Variants in SEMA5B observed in about 807,000 individuals in gnomAD.
The protein encoded by SEMA5B is semaphorin 5B.
Under a neutral mutation model 135.0 loss-of-function variants are expected in SEMA5B, and 66 were observed. The observed-to-expected ratio is 0.49, with a 90% CI of 0.40 to 0.60. The LOEUF (loss-of-function observed/expected upper bound fraction) is 0.60. Ranked by LOEUF, SEMA5B falls within the 20% of genes least tolerant of loss-of-function variation. SEMA5B has a pLI of 0.00. For missense variants in SEMA5B, 1,501 were observed against 1,566.3 expected, an observed-to-expected ratio of 0.96 and a Z score of 0.70; for synonymous variants, 690 against 639.5, an observed-to-expected ratio of 1.08 and a Z score of -1.19.
At chr3:122,921,037 G>A (rs923705028) in intron 12 of SEMA5B, among the ~76,000 whole-genome samples, 3 of 152,030 alleles carry the variant, frequency 2.0e-5, no homozygotes, top group Non-Finnish European at 4.4e-5. Context: ...GCTCCTCTTG[G>A]CCCCACAGGC....
At chr3:122,968,439 C>T (rs912344846) in intron 1 of SEMA5B, among the ~76,000 whole-genome samples, 3 of 152,172 alleles carry the variant, frequency 2.0e-5, no homozygotes, top group East Asian at 1.9e-4. Context: ...GAGGGACGGT[C>T]GCCTTGGGGG....
chr3:122,987,655 C>T (rs969940174), intron 1 of SEMA5B, among the ~76,000 whole-genome samples: 1 of 152,144 alleles, frequency 6.6e-6, no homozygotes, highest in Admixed American at 6.5e-5. Flanking sequence ...TCTCAGGTGG[C>T]CATGGTGTGT....
intron 1 of SEMA5B, among the ~76,000 whole-genome samples, chr3:123,015,414 C>T (rs1423672887): frequency 6.6e-6 from 1 of 152,178 alleles, no homozygotes; most frequent in Non-Finnish European, 1.5e-5. Flanking sequence ...AGGAGATGCA[C>T]TAGCTAAGCA....
chr3:123,020,869 A>C (rs1942659379), intron 1 of SEMA5B, among the ~76,000 whole-genome samples: 2 of 152,168 alleles, frequency 1.3e-5, no homozygotes, highest in Non-Finnish European at 2.9e-5. Flanking sequence ...GAGGCTGTTC[A>C]CCCCACTTCA....
chr3:122,977,279 C>T (rs995508009), intron 1 of SEMA5B, among the ~76,000 whole-genome samples: 4 of 152,158 alleles, frequency 2.6e-5, no homozygotes, highest in South Asian at 2.1e-4. Context: ...TCCCTGACTC[C>T]GTGCTGGAGG....
Position 122,922,265 on chromosome 3 carries a change from G to C in SEMA5B, c.1455C>G (p.Leu485=). ...CGGTGCCAATGTAGAGTACATGGTA[G>C]AGCGTGTCTTTAGCCTGCACCAGGT... The part of the protein sequence containing the change: ...VVDLVQAKDT[L]YHVLYIGTES... The change falls in exon 11 of 23, where the codon CTC becomes CTG. Residue 485 remains leucine (L), a synonymous_variant. Coordinates refer to ENST00000357599, the MANE Select transcript of SEMA5B (RefSeq NM_001031702.4). 1.2e-6 allele frequency: 2 copies of C among 1,613,982 alleles called. No homozygotes were observed. Among genetic ancestry groups the C allele is most frequent in the South Asian group, 1.1e-5 (1 of 91,034 alleles).
chr3:122,917,205 C>A lies in SEMA5B; in HGVS notation c.1689-1315G>T, dbSNP rs561297621. On this transcript the variant is annotated intron_variant, in intron 12 of 22. Transcript: ENST00000357599. Reference sequence around the variant, plus strand: ...TGGTTCCTGTCCCCAGCTTCCACCCCCTTCTGAGCCAGTCTGCTGAAGAGG... The same window carrying A: ...TGGTTCCTGTCCCCAGCTTCCACCCACTTCTGAGCCAGTCTGCTGAAGAGG... Among the ~76,000 whole-genome samples, 18 of 152,334 alleles carry A rather than the reference C, an allele frequency of 1.2e-4. No individual in the cohort carries two copies. The South Asian group carries it at 3.7e-3, about 32-fold the overall frequency.
At chr3:122,983,311 A>C (rs1941586526) in intron 1 of SEMA5B, among the ~76,000 whole-genome samples, 2 of 151,730 alleles carry the variant, frequency 1.3e-5, no homozygotes, top group African/African-American at 4.8e-5. Flanking sequence ...CATGTCACTT[A>C]TTTCTAGTAT....
At position 122,921,947 on chromosome 3, in the gene SEMA5B, T is replaced by A. The variant is rs1372404058; in HGVS notation, c.1656A>T (p.Pro552=). Residue 552 remains proline, a synonymous_variant, in exon 12 of 23, where the codon CCA becomes CCT. Transcript: ENST00000357599. ...VGLRDGVLRV[P]LERCAAYRSQ... ...TGCGGTAGGCGGCGCACCTCTCCAG[T>A]GGGACCCGCAGGACGCCGTCTCTCA... is the stretch of plus-strand genomic sequence containing the variant. 1.6e-5 allele frequency: 24 copies of A among 1,535,414 alleles called. No homozygotes were observed. Among genetic ancestry groups the A allele is most frequent in the Non-Finnish European group, 2.1e-5 (24 of 1,145,676 alleles).
chr3:122,918,645 G>A (rs1045361804), intron 12 of SEMA5B, among the ~76,000 whole-genome samples: 1 of 152,288 alleles, frequency 6.6e-6, no homozygotes, highest in South Asian at 2.1e-4. Flanking sequence ...AGCTTCCCCT[G>A]CCCTCAATTA....
chr3:122,935,660 C>T (rs1338964725), intron 5 of SEMA5B, among the ~76,000 whole-genome samples: 2 of 132,512 alleles, frequency 1.5e-5, no homozygotes, highest in African/African-American at 5.8e-5. Context: ...CCTGCTCTAT[C>T]CACTTTTTTT....
In SEMA5B at chr3:122,915,565, A is replaced by G; in HGVS notation, c.1863T>C (p.Cys621=). Reference sequence around the variant, plus strand: ...CTGAGTTGTCCCCATCCAAGTGCTCACATGGTTGCCATGGTGACCATGGGC... The same window carrying G: ...CTGAGTTGTCCCCATCCAAGTGCTCGCATGGTTGCCATGGTGACCATGGGC... ...GFGPWSPWQP[C]EHLDGDNSGS... Residue 621 remains cysteine (C), a synonymous_variant, in exon 14 of 23, where the codon TGT becomes TGC. Coordinates refer to ENST00000357599, the MANE Select transcript of SEMA5B (RefSeq NM_001031702.4). 1.9e-6 allele frequency: 3 copies of G among 1,614,120 alleles called. No individual in the cohort carries two copies. Among genetic ancestry groups the G allele is most frequent in the Non-Finnish European group, 1.7e-6 (2 of 1,179,978 alleles).
chr3:122,989,669 C>T (rs2107712449), intron 1 of SEMA5B, among the ~76,000 whole-genome samples: 2 of 152,348 alleles, frequency 1.3e-5, no homozygotes, highest in Middle Eastern at 6.8e-3. Flanking sequence ...CATGAAACTG[C>T]AAACCTCAGA....
chr3:122,967,687 G>T (rs1030227401), intron 1 of SEMA5B, among the ~76,000 whole-genome samples: 2 of 152,254 alleles, frequency 1.3e-5, no homozygotes, highest in African/African-American at 4.8e-5. Flanking sequence ...GGATCATGTA[G>T]CCTTGGCCTC....
intron 12 of SEMA5B, among the ~76,000 whole-genome samples, chr3:122,919,390 G>A (rs1417266602): frequency 6.6e-6 from 1 of 152,174 alleles, no homozygotes; most frequent in Non-Finnish European, 1.5e-5. Context: ...CCTCGTGGGA[G>A]CACTGATCTC....
intron 2 of SEMA5B, among the ~76,000 whole-genome samples, chr3:122,960,060 A>G (rs2107600662): frequency 6.6e-6 from 1 of 152,312 alleles, no homozygotes; most frequent in East Asian, 1.9e-4. Context: ...TCACTATCAG[A>G]TATTCAGTTG....
In SEMA5B at chr3:122,910,996, G is replaced by C. The variant is rs1270408722; in HGVS notation, c.3141C>G (p.Gly1047=). The change falls in exon 22 of 23, where the codon GGC becomes GGG. Residue 1047 remains glycine, a synonymous_variant. Transcript: ENST00000357599. Reference sequence around the variant, plus strand: ...ACACTGCTAGGGTCAGGAGCCCAGAGCCCAAGAAGCAGGAGATGCCCGTGG... The same window carrying C: ...ACACTGCTAGGGTCAGGAGCCCAGACCCCAAGAAGCAGGAGATGCCCGTGG... The part of the protein sequence containing the change: ...LVATGISCFL[G]SGLLTLAVYL... 1.9e-6 allele frequency: 3 copies of C among 1,613,762 alleles called. No individual in the cohort carries two copies. The highest frequency in any genetic ancestry group is 2.5e-6 in the Non-Finnish European group (3 of 1,179,914).
chr3:122,933,926 G>A (rs1376730368), intron 5 of SEMA5B, among the ~76,000 whole-genome samples: 1 of 149,656 alleles, frequency 6.7e-6, no homozygotes, highest in Non-Finnish European at 1.5e-5. Flanking sequence ...TTTTTTCTTT[G>A]AGACAGACTT....
chr3:123,010,567 T>C (rs920656301), intron 1 of SEMA5B, among the ~76,000 whole-genome samples: 1 of 152,064 alleles, frequency 6.6e-6, no homozygotes. Context: ...TCCCAGCACT[T>C]TGGGAGGCTG....
Sources: gnomAD v4.1 joint callset for allele counts (sites outside exome capture counted in the v4.1 genomes callset) on GRCh38, gnomAD v4.1.1 for gene constraint, MANE v1.5 for transcripts, NCBI Gene and HGNC (gene_info 2026-07-23, HGNC 2026-07-21) for gene names.